PAPPA2: variants seen among roughly 807,000 people sequenced by gnomAD.
The protein encoded by PAPPA2 is pappalysin 2.
Under a neutral mutation model 176.4 loss-of-function variants are expected in PAPPA2, and 86 were observed. The observed-to-expected ratio is 0.49, with a 90% CI of 0.41 to 0.58. PAPPA2 has a LOEUF of 0.58. PAPPA2 is among the 20% of genes least tolerant of loss of function. PAPPA2 has a pLI of 0.00. For missense variants in PAPPA2, 2,073 were observed against 2,256.9 expected (o/e 0.92, Z 1.65); for synonymous variants, 809 against 852.2 (o/e 0.95, Z 0.88).
chr1:176,703,979 A>G (rs1363727934), intron 9 of PAPPA2, among the ~76,000 whole-genome samples: 1 of 56,186 alleles, frequency 1.8e-5, no homozygotes, highest in South Asian at 5.1e-4. Context: ...CCTCCAGTTA[A>G]TGTGCTGGGG....
At chr1:176,718,721 C>T (rs1262577824) in intron 12 of PAPPA2, among the ~76,000 whole-genome samples, 1 of 147,064 alleles carries the variant, frequency 6.8e-6, no homozygotes, top group Admixed American at 6.8e-5. Context: ...AAAAAAAAAA[C>T]ATAGCTAGAG....
At chr1:176,737,466 G>A (rs569654333) in intron 12 of PAPPA2, among the ~76,000 whole-genome samples, 1 of 152,064 alleles carries the variant, frequency 6.6e-6, no homozygotes, top group African/African-American at 2.4e-5. Flanking sequence ...GTGAACATAC[G>A]TGGGGTCCGA....
intron 12 of PAPPA2, among the ~76,000 whole-genome samples, chr1:176,732,420 T>G (rs1469582170): frequency 1.3e-5 from 2 of 152,212 alleles, no homozygotes; most frequent in Admixed American, 6.5e-5. Flanking sequence ...TCAAATTTGT[T>G]TCAAATGATG....
At chr1:176,769,291 C>T (rs1664114665) in intron 15 of PAPPA2, among the ~76,000 whole-genome samples, 1 of 152,110 alleles carries the variant, frequency 6.6e-6, no homozygotes, top group African/African-American at 2.4e-5. Flanking sequence ...AGTCAGTTTC[C>T]CTGGCCCAGA....
intron 14 of PAPPA2, among the ~76,000 whole-genome samples, chr1:176,764,861 G>A (rs939494319): frequency 6.6e-6 from 1 of 152,284 alleles, no homozygotes; most frequent in Middle Eastern, 3.4e-3. Flanking sequence ...CTCCCAAAGC[G>A]CTGGGATTAT....
intron 3 of PAPPA2, among the ~76,000 whole-genome samples, chr1:176,643,818 G>A (rs753970841): frequency 9.9e-5 from 15 of 151,808 alleles, no homozygotes; most frequent in Non-Finnish European, 1.6e-4. Context: ...CGGAAGAGGG[G>A]GAGATTGATT....
intron 12 of PAPPA2, among the ~76,000 whole-genome samples, chr1:176,720,996 C>T (rs1222626963): frequency 6.6e-6 from 1 of 152,164 alleles, no homozygotes. Context: ...CATCTGGGCT[C>T]CCAGCTGATT....
At chr1:176,647,295 A>G (rs528396773) in intron 3 of PAPPA2, among the ~76,000 whole-genome samples, 1 of 151,542 alleles carries the variant, frequency 6.6e-6, no homozygotes, top group Admixed American at 6.6e-5. Flanking sequence ...TGAGCTCCGT[A>G]TATATTCTGG....
chr1:176,537,762 G>A (rs931281266), intron 1 of PAPPA2, among the ~76,000 whole-genome samples: 15 of 136,732 alleles, frequency 1.1e-4, no homozygotes, highest in East Asian at 9.2e-4. Context: ...GTGTATGTAC[G>A]TGTGTGTGTT....
At chr1:176,655,389 A>G (rs1657975330) in intron 3 of PAPPA2, among the ~76,000 whole-genome samples, 1 of 151,862 alleles carries the variant, frequency 6.6e-6, no homozygotes, top group South Asian at 2.1e-4. Context: ...CAGGGAACTA[A>G]CATCCAGACT....
chr1:176,570,775 G>C lies in PAPPA2; in HGVS notation c.919+13534G>C, dbSNP rs1476302212. ...CAAGGAGGTGGTCCCAGCCCCTCTG[G>C]CTCTCTGCTTACAGCATTTCTGGGA... On this transcript the variant is annotated intron_variant, in intron 2 of 22. Coordinates refer to ENST00000367662, the MANE Select transcript of PAPPA2 (RefSeq NM_020318.3). Among the ~76,000 whole-genome samples the C allele has an allele frequency of 2.0e-5, 3 of 151,574 alleles. No homozygotes were observed. In the East Asian group the frequency reaches 6.0e-4, roughly 30 times the overall value.
chr1:176,630,832 T>A (rs1656297611), intron 3 of PAPPA2, among the ~76,000 whole-genome samples: 1 of 152,206 alleles, frequency 6.6e-6, no homozygotes, highest in African/African-American at 2.4e-5. Context: ...GTATAAGAGA[T>A]AAATTCAACT....
chr1:176,836,503 T>C (rs2102989332), intron 21 of PAPPA2: 1 of 152,352 alleles, frequency 6.6e-6, no homozygotes, highest in East Asian at 1.9e-4. Flanking sequence ...AGAAGAACAG[T>C]GTTCTTAATC....
chr1:176,819,666 A>C (rs1301882426), intron 21 of PAPPA2, among the ~76,000 whole-genome samples: 1 of 152,194 alleles, frequency 6.6e-6, no homozygotes, highest in Non-Finnish European at 1.5e-5. Context: ...AAGTCTTCTG[A>C]AGCAAGCCAA....
chr1:176,567,539 T>A (rs1297979598), intron 2 of PAPPA2, among the ~76,000 whole-genome samples: 1 of 152,254 alleles, frequency 6.6e-6, no homozygotes, highest in Non-Finnish European at 1.5e-5. Context: ...AGTTTAGTTT[T>A]ATTTGTTCAT....
chr1:176,745,107 A>G (rs530441231), intron 14 of PAPPA2, among the ~76,000 whole-genome samples: 1 of 152,268 alleles, frequency 6.6e-6, no homozygotes, highest in African/African-American at 2.4e-5. Flanking sequence ...CTTGGTTCCA[A>G]ATCCACCCTC....
intron 1 of PAPPA2, among the ~76,000 whole-genome samples, chr1:176,491,923 C>A (rs1411044959): frequency 6.6e-6 from 1 of 152,118 alleles, no homozygotes; most frequent in Non-Finnish European, 1.5e-5. Flanking sequence ...GAAATATGAG[C>A]CGAGGACTTC....
At chr1:176,724,927 A>G (rs1259460132) in intron 12 of PAPPA2, among the ~76,000 whole-genome samples, 1 of 152,226 alleles carries the variant, frequency 6.6e-6, no homozygotes, top group Non-Finnish European at 1.5e-5. Context: ...ACTGGCTAGT[A>G]GAGCTACAGA....
At chr1:176,533,536 A>C (rs1308783260) in intron 1 of PAPPA2, among the ~76,000 whole-genome samples, 24 of 152,192 alleles carry the variant, frequency 1.6e-4, no homozygotes, top group Admixed American at 1.6e-3. Flanking sequence ...TATTTAAATT[A>C]CTTTTCTTTG....
Sources: gnomAD v4.1 joint callset for allele counts (sites outside exome capture counted in the v4.1 genomes callset) on GRCh38, gnomAD v4.1.1 for gene constraint, MANE v1.5 for transcripts, NCBI Gene and HGNC (gene_info 2026-07-23, HGNC 2026-07-21) for gene names.